Variants in IL36B observed in about 807,000 individuals in gnomAD.
IL36B encodes the protein interleukin 36 beta, also known as interleukin-36 beta.
A neutral mutation model predicts 19.3 loss-of-function variants in IL36B; 23 were observed. The observed-to-expected ratio is 1.19, with a 90% CI of 0.86 to 1.69. The LOEUF (loss-of-function observed/expected upper bound fraction) is 1.69, where lower values mean the gene tolerates loss of function less well. IL36B is among the 40% of genes most tolerant of loss of function. IL36B has a pLI of 0.00. For missense variants in IL36B, 217 were observed against 200.5 expected, an observed-to-expected ratio of 1.08 and a Z score of -0.50; for synonymous variants, 59 against 59.7, an observed-to-expected ratio of 0.99 and a Z score of 0.05.
At chr2:113,022,987 C>T (rs1045393734) in intron 5 of IL36B, among the ~76,000 whole-genome samples, 13 of 152,142 alleles carry the variant, frequency 8.5e-5, no homozygotes, top group African/African-American at 2.7e-4. Flanking sequence ...AGTTGGTGGG[C>T]ATGGTTTTTG....
At position 113,031,108 on chromosome 2, in the gene IL36B, C is replaced by T. The variant is rs1389783546; in HGVS notation, c.61G>A (p.Val21Met). The stretch of plus-strand genomic sequence containing the variant: ...AAAGAATTTCCACTCAGGACCCACA[C>T]CATCTGTCGAGAATCACGAATAGCA... The change falls in exon 3 of 6, where the codon GTG (valine) becomes ATG (methionine). Residue 21 changes from valine (V) to methionine (M), a missense_variant. Val to Met is a conservative substitution (Grantham distance 21, BLOSUM62 1). Transcript: ENST00000259213. 17 of 1,614,080 alleles carry T rather than the reference C, an allele frequency of 1.1e-5. No individual in the cohort carries two copies. In the South Asian group the frequency reaches 1.1e-4, roughly 10 times the overall value.
intron 4 of IL36B, among the ~76,000 whole-genome samples, 193 bp from the exon 5 acceptor site, chr2:113,028,308 A>T (rs1685002948): frequency 6.6e-6 from 1 of 152,034 alleles, no homozygotes; most frequent in Admixed American, 6.6e-5. Context: ...GCCTGGCTCC[A>T]CCCCAGGATC....
intron 1 of IL36B, among the ~76,000 whole-genome samples, chr2:113,039,547 A>G (rs570248337): frequency 6.6e-6 from 1 of 152,240 alleles, no homozygotes; most frequent in Admixed American, 6.5e-5. Context: ...TGGAGAGTAT[A>G]TAACTTCCAA....
chr2:113,027,989 AGGTGG>A (rs1235819627), intron 4 of IL36B: 1 of 1,614,014 alleles, frequency 6.2e-7, no homozygotes. Context: ...GATGTGGTGG[AGGTGG>A]CTATGAACCA....
chr2:113,031,643 T>A lies in IL36B; in HGVS notation c.13+54A>T, dbSNP rs188411648. On this transcript the variant is annotated intron_variant, in intron 2 of 5. Transcript: ENST00000259213. ...ATAGGGGTCCTTCCATCCTATTGTCTTTGATGAGGTCAGATGGAGATATTT... is the reference window on the plus strand; with the variant it reads ...ATAGGGGTCCTTCCATCCTATTGTCATTGATGAGGTCAGATGGAGATATTT... The A allele has an allele frequency of 3.1e-5, 46 of 1,499,292 alleles. No homozygotes were observed. The Middle Eastern group carries it at 6.1e-4, about 20-fold the overall frequency. 92.9% of individuals were successfully genotyped at this position (1,499,292 alleles called of 1,614,324 possible). A position where few individuals can be genotyped will look rare whatever the true frequency, so the allele number is the denominator to read the frequency against.
At chr2:113,039,367 C>T (rs1338010632) in intron 1 of IL36B, among the ~76,000 whole-genome samples, 1 of 152,190 alleles carries the variant, frequency 6.6e-6, no homozygotes, top group Non-Finnish European at 1.5e-5. Context: ...CTGCAACCAC[C>T]CTCACCGTGG....
chr2:113,027,616 TG>T (rs997276110), intron 4 of IL36B: 3 of 1,233,928 alleles, frequency 2.4e-6, no homozygotes, highest in African/African-American at 1.5e-5. Flanking sequence ...AAGCAGCATT[TG>T]GGGGGTTGAC....
intron 1 of IL36B, among the ~76,000 whole-genome samples, chr2:113,046,940 A>G (rs374714558): frequency 1.3e-5 from 2 of 152,184 alleles, no homozygotes; most frequent in East Asian, 3.8e-4. Flanking sequence ...GTTATGTTGT[A>G]ATTTCTTGAG....
intron 5 of IL36B, among the ~76,000 whole-genome samples, chr2:113,023,878 T>A (rs1684906870): frequency 6.6e-6 from 1 of 152,144 alleles, no homozygotes; most frequent in Non-Finnish European, 1.5e-5. Flanking sequence ...CTAATTCACA[T>A]TAGATCATCA....
At position 113,045,410 on chromosome 2, in the gene IL36B, A is replaced by G. The variant is rs192278371; in HGVS notation, c.-58+7407T>C. On this transcript the variant is annotated intron_variant, in intron 1 of 5. Coordinates refer to ENST00000259213, the MANE Select transcript of IL36B (RefSeq NM_014438.5). Reference sequence around the variant, plus strand: ...CTACTTTTAAGATTTTCTCAGTATCACTGGTTTTGAGCAATTTGTTTATGA... The same window carrying G: ...CTACTTTTAAGATTTTCTCAGTATCGCTGGTTTTGAGCAATTTGTTTATGA... Among the ~76,000 whole-genome samples, 285 of 152,132 alleles carry G rather than the reference A, an allele frequency of 1.9e-3. 3 individuals carry two copies. Among genetic ancestry groups the G allele is most frequent in the African/African-American group, 5.9e-3 (246 of 41,512 alleles).
intron 4 of IL36B, chr2:113,027,621 G>A: frequency 8.0e-7 from 1 of 1,247,380 alleles, no homozygotes; most frequent in Non-Finnish European, 1.0e-6. Flanking sequence ...GCATTTGGGG[G>A]GTTGACTAAA....
intron 1 of IL36B, among the ~76,000 whole-genome samples, chr2:113,050,345 CAAAA>C (rs79717470): frequency 6.2e-5 from 9 of 146,066 alleles, no homozygotes; most frequent in African/African-American, 2.2e-4. Context: ...AAACTAATAA[CAAAA>C]AAAAAAAAAT....
chr2:113,047,029 G>A (rs1685362230), intron 1 of IL36B, among the ~76,000 whole-genome samples: 2 of 152,150 alleles, frequency 1.3e-5, no homozygotes. Flanking sequence ...TTAGTCAGCT[G>A]GTGCTCACTG....
intron 1 of IL36B, among the ~76,000 whole-genome samples, chr2:113,047,279 T>G (rs892427477): frequency 6.6e-6 from 1 of 152,158 alleles, no homozygotes; most frequent in Non-Finnish European, 1.5e-5. Context: ...GGGTGTTGGG[T>G]ACTTTTGTAT....
At chr2:113,035,618 A>C (rs1214936683) in intron 1 of IL36B, among the ~76,000 whole-genome samples, 3 of 152,230 alleles carry the variant, frequency 2.0e-5, no homozygotes, top group Admixed American at 2.0e-4. Flanking sequence ...CGAAAGTAGA[A>C]ATTAAAGAAG....
intron 1 of IL36B, among the ~76,000 whole-genome samples, chr2:113,037,637 A>G (rs62157691): frequency 1.3e-5 from 2 of 151,232 alleles, no homozygotes; most frequent in Admixed American, 6.6e-5. Flanking sequence ...CAACAAGAGC[A>G]AAACTCTATC....
chr2:113,028,620 C>G (rs1175314302), intron 4 of IL36B, among the ~76,000 whole-genome samples: 1 of 152,190 alleles, frequency 6.6e-6, no homozygotes, highest in African/African-American at 2.4e-5. Context: ...GTAGTGAGAG[C>G]ATCCCGTTGT....
chr2:113,029,655 G>A (rs1685036836), intron 3 of IL36B, among the ~76,000 whole-genome samples: 1 of 152,184 alleles, frequency 6.6e-6, no homozygotes, highest in Non-Finnish European at 1.5e-5. Context: ...AGTCCCACTT[G>A]GGATACATGA....
intron 1 of IL36B, among the ~76,000 whole-genome samples, chr2:113,046,175 T>C (rs1353017908): frequency 6.6e-6 from 1 of 151,844 alleles, no homozygotes; most frequent in Non-Finnish European, 1.5e-5. Context: ...TATTATTATA[T>C]AAAGTTTATA....
Sources: allele counts gnomAD v4.1 joint callset (sites outside exome capture counted in the v4.1 genomes callset), GRCh38; gene constraint gnomAD v4.1.1; transcripts MANE v1.5; gene names NCBI Gene and HGNC (gene_info 2026-07-23, HGNC 2026-07-21).